Variants in ADAMTS3 observed in about 807,000 individuals in gnomAD.
The protein encoded by ADAMTS3 is A disintegrin and metalloproteinase with thrombospondin motifs 3.
In ADAMTS3, 73 loss-of-function variants were observed where a neutral mutation model predicts 129.0. The observed-to-expected ratio is 0.57, with a 90% CI of 0.47 to 0.69. The LOEUF is 0.69. Ranked by LOEUF, ADAMTS3 falls within the 30% of genes least tolerant of loss-of-function variation. ADAMTS3 has a pLI of 0.00. For missense variants in ADAMTS3, 1,457 were observed against 1,514.5 expected, an observed-to-expected ratio of 0.96 and a Z score of 0.63; for synonymous variants, 477 against 510.8, an observed-to-expected ratio of 0.93 and a Z score of 0.89.
At chr4:72,441,116 A>T (rs1184840785) in intron 3 of ADAMTS3, among the ~76,000 whole-genome samples, 1 of 151,710 alleles carries the variant, frequency 6.6e-6, no homozygotes, top group African/African-American at 2.4e-5. Context: ...CTAACATCAT[A>T]GATTGTTTTT....
intron 17 of ADAMTS3, among the ~76,000 whole-genome samples, chr4:72,300,643 A>C (rs1412572834): frequency 1.3e-5 from 2 of 152,162 alleles, no homozygotes; most frequent in Non-Finnish European, 1.5e-5. Context: ...AAACAACTGG[A>C]CATTGTGATG....
At chr4:72,462,580 C>T (rs1350776925) in intron 3 of ADAMTS3, among the ~76,000 whole-genome samples, 2 of 151,880 alleles carry the variant, frequency 1.3e-5, no homozygotes, top group Non-Finnish European at 2.9e-5. Context: ...AATTTCCTAT[C>T]ACCCTGTGAC....
chr4:72,354,217 GT>G (rs1720517220), intron 4 of ADAMTS3, among the ~76,000 whole-genome samples: 1 of 151,904 alleles, frequency 6.6e-6, no homozygotes, highest in African/African-American at 2.4e-5. Context: ...ATCTTCATCT[GT>G]TTTCCAATTT....
intron 4 of ADAMTS3, among the ~76,000 whole-genome samples, chr4:72,352,382 T>C (rs572741764): frequency 6.6e-6 from 1 of 152,140 alleles, no homozygotes. Context: ...ATCTAACAAA[T>C]TGGTAACACA....
chr4:72,475,497 C>T (rs115246758), intron 3 of ADAMTS3, among the ~76,000 whole-genome samples: 2,399 of 151,810 alleles, frequency 0.016, 24 homozygotes, highest in Non-Finnish European at 0.025. Context: ...ACAACAGAGA[C>T]GCAAAACATA....
chr4:72,554,319 T>C (rs1305022386), intron 2 of ADAMTS3, among the ~76,000 whole-genome samples: 3 of 152,174 alleles, frequency 2.0e-5, no homozygotes, highest in Non-Finnish European at 2.9e-5. Context: ...TTCCTAGTGG[T>C]TTCCAAACTT....
chr4:72,392,231 C>T (rs559107733), intron 4 of ADAMTS3, among the ~76,000 whole-genome samples: 15 of 152,276 alleles, frequency 9.9e-5, no homozygotes, highest in African/African-American at 3.6e-4. Flanking sequence ...ATTTCATAGG[C>T]TTCACCTGAG....
chr4:72,515,420 C>G (rs1041825293), intron 3 of ADAMTS3, among the ~76,000 whole-genome samples: 2 of 151,874 alleles, frequency 1.3e-5, no homozygotes, highest in Non-Finnish European at 2.9e-5. Flanking sequence ...CACTGACTTC[C>G]ACAATGGTTG....
At chr4:72,334,967 A>C (rs1370289564) in intron 5 of ADAMTS3, among the ~76,000 whole-genome samples, 2 of 152,180 alleles carry the variant, frequency 1.3e-5, no homozygotes. Flanking sequence ...ATTGCTTCAC[A>C]AAGGAGTGGG....
chr4:72,295,625 C>T, intron 19 of ADAMTS3, 29 bp downstream of exon 19: 1 of 1,586,384 alleles, frequency 6.3e-7, no homozygotes, highest in Non-Finnish European at 8.6e-7. Context: ...TTTTGACCTC[C>T]AGATATGATA....
chr4:72,326,168 A>G (rs535371535), intron 5 of ADAMTS3, among the ~76,000 whole-genome samples: 1 of 152,320 alleles, frequency 6.6e-6, no homozygotes, highest in East Asian at 1.9e-4. Flanking sequence ...TTCACAAAGT[A>G]TACATAAATT....
intron 15 of ADAMTS3, 38 bp from the exon 16 acceptor site, chr4:72,306,105 GAA>G (rs1560465777): frequency 6.7e-7 from 1 of 1,501,714 alleles, no homozygotes; most frequent in Non-Finnish European, 9.1e-7. Context: ...AAGCAAAGAA[GAA>G]AACAAAAGCA....
At position 72,411,603 on chromosome 4, in the gene ADAMTS3, A is replaced by G. The variant is rs76194387; in HGVS notation, c.661+3212T>C. On this transcript the variant is annotated intron_variant, in intron 4 of 21. Transcript: ENST00000286657. ...TCTCTACCCATCCCTACCACAAGAAATGTTTAGAAGGCCATTCATACTTTG... is the reference window on the plus strand; with the variant it reads ...TCTCTACCCATCCCTACCACAAGAAGTGTTTAGAAGGCCATTCATACTTTG... 3.6e-3 allele frequency among the ~76,000 whole-genome samples: 541 copies of G among 152,152 alleles called. 23 individuals carry two copies. The East Asian group carries it at 0.096, about 27-fold the overall frequency.
At chr4:72,345,512 G>A (rs539438652) in intron 4 of ADAMTS3, among the ~76,000 whole-genome samples, 1 of 152,148 alleles carries the variant, frequency 6.6e-6, no homozygotes, top group South Asian at 2.1e-4. Flanking sequence ...GATATAAAAT[G>A]TTTCCGTGAA....
chr4:72,557,462 C>T (rs966925267), intron 2 of ADAMTS3, among the ~76,000 whole-genome samples: 1 of 151,868 alleles, frequency 6.6e-6, no homozygotes, highest in South Asian at 2.1e-4. Context: ...CCTCTAGGCT[C>T]TTATCACCAC....
At chr4:72,306,518 A>G (rs959482550) in intron 15 of ADAMTS3, among the ~76,000 whole-genome samples, 1 of 152,044 alleles carries the variant, frequency 6.6e-6, no homozygotes, top group Non-Finnish European at 1.5e-5. Flanking sequence ...AGGGAAGTAT[A>G]GACAGCTAAA....
intron 3 of ADAMTS3, among the ~76,000 whole-genome samples, chr4:72,525,138 G>A (rs551222809): frequency 5.3e-5 from 8 of 152,300 alleles, no homozygotes; most frequent in African/African-American, 1.9e-4. Flanking sequence ...TCACCTGTTA[G>A]GTGCACTCAC....
chr4:72,340,478 A>C (rs1375519991), intron 4 of ADAMTS3, among the ~76,000 whole-genome samples: 1 of 152,038 alleles, frequency 6.6e-6, no homozygotes, highest in Non-Finnish European at 1.5e-5. Context: ...ACTGGCCATC[A>C]TTTGGATGGC....
intron 3 of ADAMTS3, among the ~76,000 whole-genome samples, chr4:72,499,302 G>C (rs1375086852): frequency 6.6e-6 from 1 of 152,132 alleles, no homozygotes; most frequent in African/African-American, 2.4e-5. Context: ...TTAGATACTT[G>C]TTAACAGCAC....
Sources: gnomAD v4.1 joint callset for allele counts (sites outside exome capture counted in the v4.1 genomes callset) on GRCh38, gnomAD v4.1.1 for gene constraint, MANE v1.5 for transcripts, NCBI Gene and HGNC (gene_info 2026-07-23, HGNC 2026-07-21) for gene names.